DIAPH2: variants seen among roughly 807,000 people sequenced by gnomAD.
DIAPH2 encodes the protein diaphanous related formin 2, also known as protein diaphanous homolog 2.
DIAPH2 carries 35 observed loss-of-function variants against 92.7 expected under a neutral mutation model. That is an observed-to-expected ratio of 0.38 (90% confidence interval 0.29 to 0.50). The LOEUF (loss-of-function observed/expected upper bound fraction) is 0.50. Ranked by LOEUF, DIAPH2 falls within the 20% of genes least tolerant of loss-of-function variation. The pLI, the probability that DIAPH2 is intolerant of heterozygous loss-of-function variation, is 0.94. For missense variants in DIAPH2, 701 were observed against 819.5 expected, an observed-to-expected ratio of 0.86 and a Z score of 1.77; for synonymous variants, 301 against 280.4, an observed-to-expected ratio of 1.07 and a Z score of -0.73.
intron 26 of DIAPH2, among the ~76,000 whole-genome samples, chrX:97,572,466 G>C (rs2071376326): frequency 1.8e-5 from 2 of 111,654 alleles, no homozygotes; most frequent in Admixed American, 1.9e-4. Flanking sequence ...GTATATTTCT[G>C]TTCCAAAATA....
intron 1 of DIAPH2, among the ~76,000 whole-genome samples, chrX:96,723,095 T>G (rs886705660): frequency 3.6e-5 from 4 of 111,734 alleles, no homozygotes; most frequent in Non-Finnish European, 5.6e-5. Flanking sequence ...TGATCACTGT[T>G]TAAAGCTCAA....
chrX:97,329,574 C>A (rs775873741), intron 23 of DIAPH2, among the ~76,000 whole-genome samples: 1 of 110,984 alleles, frequency 9.0e-6, no homozygotes, highest in Non-Finnish European at 1.9e-5. Flanking sequence ...ATTTTCTCTA[C>A]GTCTGAAAGT....
chrX:97,166,694 A>G (rs1311449577), intron 22 of DIAPH2, among the ~76,000 whole-genome samples: 1 of 111,735 alleles, frequency 8.9e-6, no homozygotes, highest in African/African-American at 3.2e-5. Flanking sequence ...TATGTAAGGT[A>G]TAAAGAATAG....
intron 26 of DIAPH2, among the ~76,000 whole-genome samples, chrX:97,539,402 C>T (rs759005323): frequency 2.2e-4 from 25 of 111,716 alleles, no homozygotes; most frequent in African/African-American, 7.1e-4. Flanking sequence ...TTCTTGATAC[C>T]GACCTTCAAA....
rs180840168 is a variant in DIAPH2 at position 97,350,838 on chromosome X, A to C, written c.3009+2558A>C. On this transcript the variant is annotated intron_variant, in intron 24 of 26. Coordinates refer to ENST00000324765, the MANE Select transcript of DIAPH2 (RefSeq NM_006729.5). Reference sequence around the variant, plus strand: ...TGTTTTATGTCTTTCTGCTGACTTCACTGCACATGTAGCTTGAGTACAGAG... The same window carrying C: ...TGTTTTATGTCTTTCTGCTGACTTCCCTGCACATGTAGCTTGAGTACAGAG... 5.6e-3 allele frequency among the ~76,000 whole-genome samples: 625 copies of C among 112,274 alleles called. 3 individuals are homozygous for C. The highest frequency in any genetic ancestry group is 0.019 in the African/African-American group (592 of 30,906).
chrX:97,063,346 G>A (rs1463563348), intron 17 of DIAPH2, among the ~76,000 whole-genome samples: 1 of 111,953 alleles, frequency 8.9e-6, no homozygotes, highest in Non-Finnish European at 1.9e-5. Flanking sequence ...TTATGTGTGT[G>A]TGTTTGTTTT....
chrX:97,141,534 G>C (rs1447407767), intron 21 of DIAPH2, 131 bp from the exon 22 acceptor site: 3 of 631,504 alleles, frequency 4.8e-6, no homozygotes, highest in Non-Finnish European at 6.9e-6. Context: ...ACCGCTACTA[G>C]ACCACATTAA....
intron 22 of DIAPH2, among the ~76,000 whole-genome samples, chrX:97,205,783 A>C (rs759988064): frequency 3.2e-4 from 36 of 111,576 alleles, no homozygotes; most frequent in Non-Finnish European, 5.3e-4. Context: ...ATACCATTTG[A>C]CCCAGCAATC....
chrX:97,141,822 T>G, intron 22 of DIAPH2, 28 bp downstream of exon 22: 1 of 1,181,919 alleles, frequency 8.5e-7, no homozygotes, highest in Admixed American at 2.4e-5. Flanking sequence ...ACTTTGAGAT[T>G]ATCTCTTGCC....
chrX:97,147,623 A>G (rs755999121), intron 22 of DIAPH2, among the ~76,000 whole-genome samples: 32 of 111,347 alleles, frequency 2.9e-4, no homozygotes, highest in Middle Eastern at 4.6e-3. Flanking sequence ...AAAAGGGGGA[A>G]ATTATATTAA....
At chrX:96,935,895 GA>G (rs1374209165) in intron 10 of DIAPH2, among the ~76,000 whole-genome samples, 5 of 111,789 alleles carry the variant, frequency 4.5e-5, no homozygotes, top group African/African-American at 1.6e-4. Context: ...ACAAGAATAA[GA>G]CATACTGTAA....
At chrX:96,785,037 T>A (rs1281638121) in intron 4 of DIAPH2, among the ~76,000 whole-genome samples, 1 of 112,062 alleles carries the variant, frequency 8.9e-6, no homozygotes, top group East Asian at 2.8e-4. Context: ...AAAATAGTAT[T>A]TATTTCCAAG....
At chrX:96,830,929 C>T (rs890539765) in intron 4 of DIAPH2, among the ~76,000 whole-genome samples, 4 of 111,307 alleles carry the variant, frequency 3.6e-5, no homozygotes, top group African/African-American at 6.5e-5. Context: ...GTTCTTGGCA[C>T]GTATCCTACA....
intron 17 of DIAPH2, among the ~76,000 whole-genome samples, chrX:97,054,353 C>T (rs2066541228): frequency 9.0e-6 from 1 of 111,698 alleles, no homozygotes; most frequent in African/African-American, 3.3e-5. Context: ...AGTGATATAA[C>T]GATGATCAAG....
At chrX:97,018,724 T>C (rs759383619) in intron 17 of DIAPH2, among the ~76,000 whole-genome samples, 1 of 112,173 alleles carries the variant, frequency 8.9e-6, no homozygotes, top group African/African-American at 3.2e-5. Flanking sequence ...ATTATTATCT[T>C]GTATTAGTGT....
At chrX:96,802,063 C>T (rs2064586788) in intron 4 of DIAPH2, among the ~76,000 whole-genome samples, 1 of 111,999 alleles carries the variant, frequency 8.9e-6, no homozygotes, top group Non-Finnish European at 1.9e-5. Context: ...AGTAATTTGA[C>T]TTGGAACAGT....
At chrX:96,729,566 C>T (rs1305161529) in intron 1 of DIAPH2, among the ~76,000 whole-genome samples, 1 of 111,991 alleles carries the variant, frequency 8.9e-6, no homozygotes, top group Non-Finnish European at 1.9e-5. Flanking sequence ...TTGAGCATAA[C>T]TTGTTATGAC....
At chrX:97,589,304 G>C (rs2071501206) in intron 26 of DIAPH2, among the ~76,000 whole-genome samples, 1 of 57,190 alleles carries the variant, frequency 1.7e-5, no homozygotes, top group Non-Finnish European at 3.0e-5. Flanking sequence ...ACGGCCGAGA[G>C]AGACTCCATC....
chrX:97,323,748 A>C (rs1439166189), intron 23 of DIAPH2, among the ~76,000 whole-genome samples: 1 of 106,825 alleles, frequency 9.4e-6, no homozygotes, highest in Admixed American at 1.0e-4. Flanking sequence ...TACTAAAAAT[A>C]CAAAATTAGC....
Sources: gnomAD v4.1 joint callset for allele counts (sites outside exome capture counted in the v4.1 genomes callset) on GRCh38, gnomAD v4.1.1 for gene constraint, MANE v1.5 for transcripts, NCBI Gene and HGNC (gene_info 2026-07-23, HGNC 2026-07-21) for gene names.